FHIT: variants seen among roughly 807,000 people sequenced by gnomAD.
The protein encoded by FHIT is fragile histidine triad diadenosine triphosphatase.
FHIT carries 19 observed loss-of-function variants against 17.9 expected under a neutral mutation model. That is an observed-to-expected ratio of 1.06 (90% CI 0.74 to 1.56). The LOEUF is 1.56. Ranked by LOEUF, FHIT falls within the 40% of genes most tolerant of loss-of-function variation. FHIT has a pLI of 0.00. For synonymous variants in FHIT, 81 were observed against 69.7 expected (o/e 1.16, Z -0.81); for missense variants, 248 against 189.2 (o/e 1.31, Z -1.82).
rs540902858 is a variant in FHIT, at chr3:60,363,963, T to TC, written c.103+172896dup. On this transcript the variant is annotated intron_variant, in intron 5 of 9. Coordinates refer to ENST00000492590, the MANE Select transcript of FHIT (RefSeq NM_002012.4). Reference sequence around the variant, plus strand: ...CTTTGAGGTTCCCACAACTGCTACCTCCCCTTGTCCCTAGGTCAAGGGGTG... The same window carrying TC: ...CTTTGAGGTTCCCACAACTGCTACCTCCCCCTTGTCCCTAGGTCAAGGGGTG... Among the ~76,000 whole-genome samples the TC allele has an allele frequency of 1.8e-4, 27 of 152,244 alleles. No individual in the cohort carries two copies. In the East Asian group the frequency reaches 4.8e-3, roughly 27 times the overall value.
At chr3:61,070,945 G>T (rs1270155967) in intron 2 of FHIT, among the ~76,000 whole-genome samples, 1 of 152,242 alleles carries the variant, frequency 6.6e-6, no homozygotes, top group African/African-American at 2.4e-5. Flanking sequence ...ATTTATTTAT[G>T]AACCAAATAA....
At chr3:60,842,613 ACATATATATATGAGTG>A (rs1313526228) in intron 3 of FHIT, among the ~76,000 whole-genome samples, 4,246 of 125,372 alleles carry the variant, frequency 0.034, 200 homozygotes, top group African/African-American at 0.08. Context: ...ATATATATAT[ACATATATATATGAGTG>A]TATATATATA....
At chr3:60,252,471 G>A (rs1705762122) in intron 5 of FHIT, among the ~76,000 whole-genome samples, 1 of 152,094 alleles carries the variant, frequency 6.6e-6, no homozygotes, top group Non-Finnish European at 1.5e-5. Context: ...GGCTAGGTGG[G>A]AGGATCACTT....
intron 2 of FHIT, among the ~76,000 whole-genome samples, chr3:61,190,276 G>A (rs1304850073): frequency 6.6e-6 from 1 of 152,150 alleles, no homozygotes; most frequent in African/African-American, 2.4e-5. Flanking sequence ...TGAAGGATAT[G>A]AACAGACACT....
intron 5 of FHIT, among the ~76,000 whole-genome samples, chr3:60,044,838 G>T (rs989085099): frequency 6.6e-6 from 1 of 151,934 alleles, no homozygotes; most frequent in Non-Finnish European, 1.5e-5. Context: ...AAGAAACCTG[G>T]GGAGACACTG....
At chr3:60,847,800 C>G (rs1457821121) in intron 3 of FHIT, among the ~76,000 whole-genome samples, 3 of 152,062 alleles carry the variant, frequency 2.0e-5, no homozygotes, top group Non-Finnish European at 4.4e-5. Context: ...TCCTATTAGT[C>G]GACATTTCTG....
intron 4 of FHIT, among the ~76,000 whole-genome samples, chr3:60,755,753 G>C (rs1553718100): frequency 1.3e-5 from 2 of 152,164 alleles, no homozygotes; most frequent in African/African-American, 4.8e-5. Flanking sequence ...TAGAAATTTA[G>C]AGACATTGGT....
At chr3:60,865,582 T>A (rs1171161709) in intron 3 of FHIT, among the ~76,000 whole-genome samples, 1 of 152,186 alleles carries the variant, frequency 6.6e-6, no homozygotes, top group Non-Finnish European at 1.5e-5. Flanking sequence ...CCTCTTAGTA[T>A]GAAGAGAGTC....
chr3:60,033,932 T>C (rs538509411), intron 5 of FHIT, among the ~76,000 whole-genome samples: 1 of 152,282 alleles, frequency 6.6e-6, no homozygotes, highest in African/African-American at 2.4e-5. Flanking sequence ...TACAAAGAGG[T>C]AGCTTTCAGC....
At chr3:60,323,665 G>C (rs190464094) in intron 5 of FHIT, among the ~76,000 whole-genome samples, 2 of 152,326 alleles carry the variant, frequency 1.3e-5, no homozygotes, top group East Asian at 3.9e-4. Flanking sequence ...ATTCCGGTCT[G>C]TCTTCTTTAC....
intron 3 of FHIT, among the ~76,000 whole-genome samples, chr3:61,005,530 G>A (rs986952868): frequency 7.9e-5 from 12 of 151,968 alleles, no homozygotes; most frequent in Non-Finnish European, 1.6e-4. Context: ...CTTTAACCTA[G>A]GAGCAAAGAA....
intron 5 of FHIT, among the ~76,000 whole-genome samples, chr3:60,466,438 A>G (rs1234404937): frequency 1.3e-5 from 2 of 152,024 alleles, no homozygotes; most frequent in Non-Finnish European, 2.9e-5. Flanking sequence ...GAAAGTGAGC[A>G]TGTTTGTCTC....
At chr3:60,961,935 C>T (rs1185490690) in intron 3 of FHIT, among the ~76,000 whole-genome samples, 1 of 152,096 alleles carries the variant, frequency 6.6e-6, no homozygotes, top group Non-Finnish European at 1.5e-5. Context: ...TCCATGTGAA[C>T]TTTAAGGTAG....
intron 5 of FHIT, among the ~76,000 whole-genome samples, chr3:60,494,587 C>G (rs915581634): frequency 3.9e-5 from 6 of 152,058 alleles, no homozygotes; most frequent in African/African-American, 1.4e-4. Context: ...TTTTTGTACT[C>G]ATTAACCATA....
chr3:60,525,716 T>C (rs1005059455), intron 5 of FHIT, among the ~76,000 whole-genome samples: 2 of 152,198 alleles, frequency 1.3e-5, no homozygotes, highest in Admixed American at 1.3e-4. Flanking sequence ...ATGCAACTTT[T>C]ATTACTTAGA....
chr3:60,087,925 C>G (rs899321258), intron 5 of FHIT, among the ~76,000 whole-genome samples: 1 of 152,090 alleles, frequency 6.6e-6, no homozygotes, highest in Non-Finnish European at 1.5e-5. Flanking sequence ...CATTTTGTAT[C>G]GCTACAAAGG....
chr3:60,387,218 C>A (rs571879826), intron 5 of FHIT, among the ~76,000 whole-genome samples: 27 of 151,970 alleles, frequency 1.8e-4, no homozygotes, highest in African/African-American at 6.3e-4. Context: ...CTGGAACTCC[C>A]GACCTCAAGT....
chr3:60,258,256 C>A (rs1037697956), intron 5 of FHIT, among the ~76,000 whole-genome samples: 5 of 152,114 alleles, frequency 3.3e-5, no homozygotes, highest in African/African-American at 9.7e-5. Context: ...TGACAACGTT[C>A]AACTTTACCT....
At chr3:61,153,225 G>A (rs2037445327) in intron 2 of FHIT, among the ~76,000 whole-genome samples, 1 of 151,468 alleles carries the variant, frequency 6.6e-6, no homozygotes, top group South Asian at 2.1e-4. Context: ...GAAATTGAGA[G>A]ATAACATCTC....
Sources: gnomAD v4.1 joint callset for allele counts (sites outside exome capture counted in the v4.1 genomes callset) on GRCh38, gnomAD v4.1.1 for gene constraint, MANE v1.5 for transcripts, NCBI Gene and HGNC (gene_info 2026-07-23, HGNC 2026-07-21) for gene names.